KLHL18: variants seen among roughly 807,000 people sequenced by gnomAD.
KLHL18 encodes kelch like family member 18.
KLHL18 carries 38 observed loss-of-function variants against 58.5 expected under a neutral mutation model. That is an observed-to-expected ratio of 0.65 (90% CI 0.50 to 0.85). The LOEUF (loss-of-function observed/expected upper bound fraction) is 0.85, where lower values mean the gene tolerates loss of function less well. KLHL18 is among the 40% of genes least tolerant of loss of function. The pLI is 0.00. For synonymous variants in KLHL18, 303 were observed against 301.9 expected (o/e 1.00, Z -0.04); for missense variants, 624 against 778.4 (o/e 0.80, Z 2.36).
At chr3:47,313,551 G>C (rs1291266096) in intron 1 of KLHL18, among the ~76,000 whole-genome samples, 1 of 152,124 alleles carries the variant, frequency 6.6e-6, no homozygotes, top group Non-Finnish European at 1.5e-5. Context: ...GTTTCTCCCA[G>C]TGGTAATATC....
intron 2 of KLHL18, among the ~76,000 whole-genome samples, chr3:47,322,250 A>C (rs1219041476): frequency 1.3e-5 from 2 of 152,246 alleles, no homozygotes; most frequent in South Asian, 4.1e-4. Flanking sequence ...GAAAGGCTTG[A>C]TAAGTATTTT....
rs1225435717 is a variant in KLHL18, at chr3:47,334,624, C to T, written c.762-59C>T. 6.3e-7 allele frequency: 1 copy of T among 1,589,360 alleles called. No homozygotes were observed. Among genetic ancestry groups the T allele is most frequent in the African/African-American group, 1.3e-5 (1 of 74,498 alleles). On this transcript the variant is annotated intron_variant, in intron 5 of 9. Transcript: ENST00000232766. The surrounding 1 kb of genome is among the most constrained non-coding windows in gnomAD (Gnocchi z 4.7). The stretch of plus-strand genomic sequence containing the variant: ...CAGTGGAGAGCCAGGCTCAGAGATG[C>T]AAACGAGGACTAAGTCAGGGGGATA...
rs750752200 is a variant in KLHL18 at position 47,282,991 on chromosome 3, T to C, written c.26T>C (p.Leu9Pro). 4 of 1,611,132 alleles carry C rather than the reference T, an allele frequency of 2.5e-6. No individual in the cohort carries two copies. The highest frequency in any genetic ancestry group is 1.7e-5 in the Admixed American group (1 of 59,636). Residue 9 changes from leucine (L) to proline (P), a missense_variant, in exon 1 of 10, where the codon CTG becomes CCG. Physicochemically the swap from Leu to Pro is moderately conservative, Grantham distance 98 (BLOSUM62 -3). Coordinates refer to ENST00000232766, the MANE Select transcript of KLHL18 (RefSeq NM_025010.5). MVEDGAEE[L>P]EDLVHFSVSE... ...ATGGTGGAGGACGGCGCGGAGGAGC[T>C]GGAGGATCTGGTGCACTTCTCCGTG...
chr3:47,310,298 A>G (rs1274873914), intron 1 of KLHL18, among the ~76,000 whole-genome samples: 1 of 151,428 alleles, frequency 6.6e-6, no homozygotes, highest in Non-Finnish European at 1.5e-5. Flanking sequence ...TCTATGCCAC[A>G]TTGCCTGTCT....
At chr3:47,311,354 T>C (rs906038309) in intron 1 of KLHL18, among the ~76,000 whole-genome samples, 43 of 152,160 alleles carry the variant, frequency 2.8e-4, no homozygotes, top group Admixed American at 8.5e-4. Context: ...TGGAAGCCAC[T>C]GATCTCAAAC....
At chr3:47,316,744 C>CGTGTATAT (rs1703460076) in intron 1 of KLHL18, among the ~76,000 whole-genome samples, 1 of 124,306 alleles carries the variant, frequency 8.0e-6, no homozygotes, top group Non-Finnish European at 1.6e-5. Context: ...TACATATATA[C>CGTGTATAT]GTATATATGT....
At chr3:47,283,411 G>A (rs1702534364) in intron 1 of KLHL18, 2 of 384,488 alleles carry the variant, frequency 5.2e-6, no homozygotes, top group Non-Finnish European at 9.6e-6. Flanking sequence ...CTTCTATGGA[G>A]GCAGGGGCGG....
chr3:47,294,188 C>T (rs1702849516), intron 1 of KLHL18, among the ~76,000 whole-genome samples: 1 of 152,146 alleles, frequency 6.6e-6, no homozygotes, highest in Non-Finnish European at 1.5e-5. Flanking sequence ...GAGCTACTAA[C>T]AGATTGTTTT....
chr3:47,334,144 C>CTGGAGGT lies in KLHL18; in HGVS notation c.762-539_762-538insTGGAGGT, dbSNP rs1410233306. On this transcript the variant is annotated intron_variant, in intron 5 of 9. Transcript: ENST00000232766. The surrounding 1 kb of genome is among the most constrained non-coding windows in gnomAD (Gnocchi z 4.7). ...CTGGAGGTAGCTAGGGCCCAGTGAC[C>CTGGAGGT]AGCGGTCTCAAGGGTGCTGTTGAGG... Among the ~76,000 whole-genome samples the CTGGAGGT allele has an allele frequency of 6.6e-6, 1 of 152,068 alleles. No individual in the cohort carries two copies. Among genetic ancestry groups the CTGGAGGT allele is most frequent in the African/African-American group, 2.4e-5 (1 of 41,408 alleles).
chr3:47,309,127 T>A (rs1703221671), intron 1 of KLHL18, among the ~76,000 whole-genome samples: 1 of 152,242 alleles, frequency 6.6e-6, no homozygotes, highest in African/African-American at 2.4e-5. Context: ...CAGAAGAATT[T>A]TTCTTAGTAC....
rs1299453487 is a variant in KLHL18 at position 47,334,214 on chromosome 3, C to T, written c.762-469C>T. Among the ~76,000 whole-genome samples, 1 of 152,062 alleles carries T rather than the reference C, an allele frequency of 6.6e-6. No homozygotes were observed. Among genetic ancestry groups the T allele is most frequent in the Non-Finnish European group, 1.5e-5 (1 of 68,016 alleles). On this transcript the variant is annotated intron_variant, in intron 5 of 9. Transcript: ENST00000232766. This position sits in a 1 kb window ranked among gnomAD's most constrained non-coding sequence, Gnocchi z 4.7. Reference sequence around the variant, plus strand: ...CGGCAGTGGGTGGCTATTGAAGGTTCTTAGCTTGAACTCTAGTGTGGAAGT... The same window carrying T: ...CGGCAGTGGGTGGCTATTGAAGGTTTTTAGCTTGAACTCTAGTGTGGAAGT...
intron 1 of KLHL18, among the ~76,000 whole-genome samples, chr3:47,292,689 T>C (rs538585082): frequency 1.2e-4 from 19 of 152,024 alleles, no homozygotes; most frequent in African/African-American, 4.6e-4. Flanking sequence ...GCAGATGGCA[T>C]GAACCCAGGA....
intron 6 of KLHL18, among the ~76,000 whole-genome samples, chr3:47,335,542 T>C (rs1703964947): frequency 6.6e-6 from 1 of 152,088 alleles, no homozygotes; most frequent in Non-Finnish European, 1.5e-5. Context: ...AGTGTCACTC[T>C]TGTCACTCAG....
rs762695596 is a variant in KLHL18, at chr3:47,343,919, G to A, written c.1703G>A (p.Cys568Tyr). The A allele has an allele frequency of 1.9e-6, 3 of 1,613,690 alleles. No homozygotes were observed. The highest frequency in any genetic ancestry group is 1.3e-5 in the African/African-American group (1 of 74,936). The change falls in exon 10 of 10, where the codon TGC becomes TAC. Residue 568 changes from cysteine (C) to tyrosine (Y), a missense_variant. Cys to Tyr is a radical substitution (Grantham distance 194, BLOSUM62 -2). Coordinates refer to ENST00000232766, the MANE Select transcript of KLHL18 (RefSeq NM_025010.5). The stretch of plus-strand genomic sequence containing the variant: ...CATGAGGGAGGGGTCGGTGTGGGCT[G>A]CATCCCTCTCCTCACCATCTAAGGC... ...ACHEGGVGVG[C>Y]IPLLTI
chr3:47,326,244 A>G (rs1005271109), intron 3 of KLHL18, among the ~76,000 whole-genome samples: 1 of 152,134 alleles, frequency 6.6e-6, no homozygotes, highest in Non-Finnish European at 1.5e-5. Context: ...CACCACACCC[A>G]GCCTTGGAGC....
chr3:47,322,613 C>T lies in KLHL18; in HGVS notation c.306C>T (p.Ala102=). 1.9e-6 allele frequency: 3 copies of T among 1,606,082 alleles called. No individual in the cohort carries two copies. Among genetic ancestry groups the T allele is most frequent in the South Asian group, 1.1e-5 (1 of 89,102 alleles). ...ACTTTGCCTACAACGGCAACCTTGC[C>T]ATTGACCAGCAAAATGTCCAGTCAT... is the stretch of plus-strand genomic sequence containing the variant. The part of the protein sequence containing the change: ...LINFAYNGNL[A]IDQQNVQSLL... Residue 102 remains alanine (A), a synonymous_variant, in exon 3 of 10, where the codon GCC becomes GCT. Coordinates refer to ENST00000232766, the MANE Select transcript of KLHL18 (RefSeq NM_025010.5).
chr3:47,329,636 C>CA (rs1206825029), intron 3 of KLHL18, among the ~76,000 whole-genome samples: 3 of 152,228 alleles, frequency 2.0e-5, no homozygotes, highest in Non-Finnish European at 4.4e-5. Context: ...TGGAACGTCT[C>CA]AAACAGATTT....
chr3:47,283,595 C>A (rs976977127), intron 1 of KLHL18: 1 of 153,558 alleles, frequency 6.5e-6, no homozygotes, highest in Non-Finnish European at 1.5e-5. Flanking sequence ...CTTTTAAAAT[C>A]TTCTCTGGAA....
At chr3:47,296,060 C>T (rs934978699) in intron 1 of KLHL18, among the ~76,000 whole-genome samples, 6 of 152,176 alleles carry the variant, frequency 3.9e-5, no homozygotes, top group African/African-American at 1.2e-4. Context: ...GGACTAATAG[C>T]GTCAGCATCA....
Sources: allele counts gnomAD v4.1 joint callset (sites outside exome capture counted in the v4.1 genomes callset), GRCh38; gene constraint gnomAD v4.1.1; non-coding constraint Gnocchi (gnomAD v3.1); transcripts MANE v1.5; gene names NCBI Gene and HGNC (gene_info 2026-07-23, HGNC 2026-07-21).